The following VPS13B variants were observed in gnomAD, a reference collection of about 807,000 sequenced individuals.
The protein encoded by VPS13B is vacuolar protein sorting 13 homolog B.
A neutral mutation model predicts 426.4 loss-of-function variants in VPS13B; 285 were observed. The ratio of observed to expected loss-of-function variants is 0.67; its 90% CI spans 0.61 to 0.74. The LOEUF is 0.74. Among genes scored for constraint, VPS13B ranks in the 30% least tolerant of loss-of-function variants. The pLI, the probability that VPS13B is intolerant of heterozygous loss-of-function variation, is 0.00. For synonymous variants in VPS13B, 1,676 were observed against 1,676.4 expected (o/e 1.00, Z 0.01); for missense variants, 4,537 against 4,782.6 (o/e 0.95, Z 1.51).
chr8:99,210,346 A>G (rs1372432696), intron 17 of VPS13B, among the ~76,000 whole-genome samples: 1 of 152,118 alleles, frequency 6.6e-6, no homozygotes, highest in East Asian at 1.9e-4. Flanking sequence ...TATATTCTCA[A>G]ACACATCTCC....
intron 31 of VPS13B, among the ~76,000 whole-genome samples, chr8:99,561,924 C>T (rs753777620): frequency 2.0e-5 from 3 of 152,126 alleles, no homozygotes; most frequent in Non-Finnish European, 4.4e-5. Context: ...TTTGGGTATA[C>T]ACCTAGAAGT....
rs1204705363 is a variant in VPS13B at position 99,641,919 on chromosome 8, A to C, written c.5329A>C (p.Lys1777Gln). The change falls in exon 34 of 62, where the codon AAA becomes CAA. Residue 1777 changes from lysine to glutamine, a missense_variant. Around this residue, in one of 2 missense-constraint regions of VPS13B, gnomAD observed 4,311 missense variants for 4,474.3 expected, o/e 0.96. Transcript: ENST00000357162. ...QDSGIGSDSV[K>Q]IRIVQIEQHS... ...TAGTGGAATTGGCAGTGACAGTGTT[A>C]AAATCAGAATAGTGCAAATAGAGCA... 2 of 1,614,148 alleles carry C rather than the reference A, an allele frequency of 1.2e-6. No homozygotes were observed. The highest frequency in any genetic ancestry group is 1.7e-6 in the Non-Finnish European group (2 of 1,180,006).
chr8:99,594,398 TC>T (rs1826882599), intron 33 of VPS13B, among the ~76,000 whole-genome samples: 1 of 151,990 alleles, frequency 6.6e-6, no homozygotes, highest in African/African-American at 2.4e-5. Context: ...GGAAGCTGTT[TC>T]TTAAGCATTT....
intron 33 of VPS13B, among the ~76,000 whole-genome samples, chr8:99,608,808 A>G (rs1295085280): frequency 6.6e-6 from 1 of 151,996 alleles, no homozygotes; most frequent in African/African-American, 2.4e-5. Context: ...TTATTCCTCT[A>G]CGTTTTAGCC....
Position 99,809,521 on chromosome 8 carries a change from A to T in VPS13B, c.8088A>T (p.Val2696=). 1 of 1,614,076 alleles carries T rather than the reference A, an allele frequency of 6.2e-7. No individual in the cohort carries two copies. The highest frequency in any genetic ancestry group is 8.5e-7 in the Non-Finnish European group (1 of 1,179,960). ...TCAAGGTTCAGCAACTCAATGGAGT[A>T]CAAAAACAGGTAAGTTTCTTTGTGT... is the stretch of plus-strand genomic sequence containing the variant. ...LIIKVQQLNG[V]QKQIIICGRQ... Residue 2696 remains valine (V), a synonymous_variant, in exon 44 of 62, where the codon GTA becomes GTT. Transcript: ENST00000357162.
chr8:99,793,878 T>C (rs1461971643), intron 43 of VPS13B, among the ~76,000 whole-genome samples: 1 of 152,252 alleles, frequency 6.6e-6, no homozygotes, highest in Non-Finnish European at 1.5e-5. Context: ...TTTCTTAATT[T>C]CTTGGCACTT....
intron 15 of VPS13B, among the ~76,000 whole-genome samples, chr8:99,168,918 A>G (rs932836111): frequency 6.6e-6 from 1 of 151,996 alleles, no homozygotes; most frequent in African/African-American, 2.4e-5. Context: ...TTCACTCAAA[A>G]CTGAGTGTAT....
intron 39 of VPS13B, among the ~76,000 whole-genome samples, chr8:99,752,884 T>G (rs557005972): frequency 6.6e-6 from 1 of 152,362 alleles, no homozygotes; most frequent in East Asian, 1.9e-4. Context: ...GTTTGGTTTA[T>G]GAGCATTGCT....
At chr8:99,697,498 G>C in intron 35 of VPS13B, 1 of 740,194 alleles carries the variant, frequency 1.4e-6, no homozygotes, top group South Asian at 1.5e-5. Context: ...AGGAGCAGAA[G>C]TCGCTCACCA....
intron 17 of VPS13B, among the ~76,000 whole-genome samples, chr8:99,273,944 G>A (rs1818752047): frequency 1.3e-5 from 2 of 151,844 alleles, no homozygotes; most frequent in Non-Finnish European, 2.9e-5. Context: ...AAGTATTTGT[G>A]CATTTACTTT....
At chr8:99,757,653 T>C (rs1342933290) in intron 39 of VPS13B, among the ~76,000 whole-genome samples, 1 of 152,188 alleles carries the variant, frequency 6.6e-6, no homozygotes, top group Non-Finnish European at 1.5e-5. Flanking sequence ...TATTTTTAAA[T>C]GGCCAACACA....
chr8:99,309,218 G>T (rs1313480816), intron 19 of VPS13B, among the ~76,000 whole-genome samples: 6 of 152,132 alleles, frequency 3.9e-5, no homozygotes, highest in Admixed American at 2.6e-4. Flanking sequence ...GGCTTTTGTT[G>T]CCATTGCTTT....
At chr8:99,557,010 A>G (rs1427587079) in intron 31 of VPS13B, among the ~76,000 whole-genome samples, 1 of 152,126 alleles carries the variant, frequency 6.6e-6, no homozygotes, top group African/African-American at 2.4e-5. Flanking sequence ...TGCTTATAAT[A>G]ACAAGAAAAG....
At chr8:99,858,114 G>A (rs1816646014) in intron 56 of VPS13B, among the ~76,000 whole-genome samples, 1 of 152,200 alleles carries the variant, frequency 6.6e-6, no homozygotes, top group African/African-American at 2.4e-5. Flanking sequence ...AAGGAGGGAT[G>A]GCTCCCACCC....
chr8:99,568,746 T>G (rs1207731194), intron 31 of VPS13B, among the ~76,000 whole-genome samples: 1 of 152,104 alleles, frequency 6.6e-6, no homozygotes, highest in Non-Finnish European at 1.5e-5. Context: ...ATGTTACTGT[T>G]TTCATATTTA....
chr8:99,537,202 G>A (rs968294266), intron 30 of VPS13B, among the ~76,000 whole-genome samples: 1 of 151,774 alleles, frequency 6.6e-6, no homozygotes, highest in African/African-American at 2.4e-5. Flanking sequence ...AAATTTAGCA[G>A]CCTTTTTTGG....
intron 29 of VPS13B, among the ~76,000 whole-genome samples, 180 bp downstream of exon 29, chr8:99,511,692 A>G (rs1408975609): frequency 6.6e-6 from 1 of 152,224 alleles, no homozygotes; most frequent in Non-Finnish European, 1.5e-5. Context: ...ACATCAGAAT[A>G]CTATGTAACT....
intron 3 of VPS13B, among the ~76,000 whole-genome samples, chr8:99,082,062 G>C (rs561873062): frequency 1.6e-4 from 24 of 152,270 alleles, no homozygotes; most frequent in Non-Finnish European, 2.8e-4. Flanking sequence ...GGTTGAACTA[G>C]TTTATAGTCC....
intron 19 of VPS13B, among the ~76,000 whole-genome samples, chr8:99,342,312 G>C (rs955199831): frequency 6.6e-6 from 1 of 152,062 alleles, no homozygotes; most frequent in Admixed American, 6.6e-5. Context: ...ATTGACTTCA[G>C]TCACTTTATT....
Sources: gnomAD v4.1 joint callset for allele counts (sites outside exome capture counted in the v4.1 genomes callset) on GRCh38, gnomAD v4.1.1 for gene constraint, gnomAD v4.1.1 regional missense constraint, MANE v1.5 for transcripts, NCBI Gene and HGNC (gene_info 2026-07-23, HGNC 2026-07-21) for gene names.